The following SOX5 variants were observed in gnomAD, a reference collection of about 807,000 sequenced individuals.
SOX5 encodes transcription factor SOX-5.
Under a neutral mutation model 92.0 loss-of-function variants are expected in SOX5, and 9 were observed. That is an observed-to-expected ratio of 0.10 (90% CI 0.06 to 0.17). SOX5 has a LOEUF of 0.17. SOX5 is among the 10% of genes least tolerant of loss of function. The pLI, the probability that SOX5 is intolerant of heterozygous loss-of-function variation, is 1.00. For missense variants in SOX5, 642 were observed against 944.5 expected (o/e 0.68, Z 4.20); for synonymous variants, 344 against 336.3 (o/e 1.02, Z -0.25).
intron 4 of SOX5, among the ~76,000 whole-genome samples, chr12:24,037,820 T>A (rs1956188288): frequency 1.3e-5 from 2 of 152,170 alleles, no homozygotes; most frequent in South Asian, 4.1e-4. Context: ...GTCTAGCAAC[T>A]TACAACACCA....
At position 23,650,544 on chromosome 12, in the gene SOX5, ACTGCTTT is replaced by A. The variant is rs566583087; in HGVS notation, c.932-9654_932-9648del. ...ACTGTAGATGGAACTTTGGAAGAAA[ACTGCTTT>A]CTTTCATCTCATGTTGCTTTCTTTC... On this transcript the variant is annotated intron_variant, in intron 7 of 14. Coordinates refer to ENST00000451604, the MANE Select transcript of SOX5 (RefSeq NM_006940.6). 2.7e-3 allele frequency among the ~76,000 whole-genome samples: 415 copies of A among 152,228 alleles called. 2 individuals carry two copies. The highest frequency in any genetic ancestry group is 9.5e-3 in the African/African-American group (395 of 41,552).
intron 9 of SOX5, among the ~76,000 whole-genome samples, chr12:23,585,739 G>A (rs1348926942): frequency 6.6e-6 from 1 of 152,104 alleles, no homozygotes; most frequent in Non-Finnish European, 1.5e-5. Context: ...AAAGCACCCT[G>A]AGAAATCAAG....
intron 4 of SOX5, among the ~76,000 whole-genome samples, chr12:24,108,040 A>C (rs1230280742): frequency 2.6e-5 from 4 of 152,196 alleles, no homozygotes; most frequent in Non-Finnish European, 5.9e-5. Context: ...GAAATATTAA[A>C]GAGAACTTGC....
chr12:23,947,344 T>G (rs959576306), intron 1 of SOX5, among the ~76,000 whole-genome samples: 1 of 151,888 alleles, frequency 6.6e-6, no homozygotes, highest in South Asian at 2.1e-4. Context: ...TTGCAAATAG[T>G]TGAAAAGGCA....
chr12:24,545,562 C>CCCA (rs1373198133), intron 1 of SOX5, among the ~76,000 whole-genome samples: 10 of 151,878 alleles, frequency 6.6e-5, no homozygotes, highest in Non-Finnish European at 1.3e-4. Context: ...CATAAGTAAA[C>CCCA]CCAGGAAAAT....
In SOX5 at chr12:24,244,314, G is replaced by C. The variant is rs573602147; in HGVS notation, c.-76-30897C>G. On this transcript the variant is annotated intron_variant, in intron 3 of 4. Transcript: ENST00000446891. ...ACACATTTGGGAAGCAATGGGGTCT[G>C]GAGATGCATGTAATGCAAATGCAGG... 2.0e-5 allele frequency among the ~76,000 whole-genome samples: 3 copies of C among 152,310 alleles called. 1 individual carries two copies. Among genetic ancestry groups the C allele is most frequent in the Admixed American group, 2.0e-4 (3 of 15,304 alleles).
intron 1 of SOX5, among the ~76,000 whole-genome samples, chr12:23,918,427 T>C (rs1349169904): frequency 6.6e-6 from 1 of 152,204 alleles, no homozygotes; most frequent in East Asian, 1.9e-4. Flanking sequence ...TTAAAATACC[T>C]GAAGCTAGCA....
intron 2 of SOX5, among the ~76,000 whole-genome samples, chr12:24,327,978 C>A (rs1488608642): frequency 6.6e-6 from 1 of 152,088 alleles, no homozygotes; most frequent in African/African-American, 2.4e-5. Context: ...AGGCATGAAC[C>A]ACCGCACCCA....
Position 24,383,956 on chromosome 12 carries a change from T to A in SOX5, c.-250-15317A>T, listed in dbSNP as rs113688641. ...ATCAGAGGGGCAGTTATCTTCATGC[T>A]GCTCTCATGATAGTGAGTTCTCACA... On this transcript the variant is annotated intron_variant, in intron 1 of 4. Transcript: ENST00000446891. 1.8e-3 allele frequency among the ~76,000 whole-genome samples: 280 copies of A among 152,326 alleles called. 1 individual carries two copies. Among genetic ancestry groups the A allele is most frequent in the African/African-American group, 6.3e-3 (260 of 41,578 alleles).
intron 7 of SOX5, among the ~76,000 whole-genome samples, chr12:23,662,252 G>A (rs925592472): frequency 2.0e-5 from 3 of 151,912 alleles, no homozygotes; most frequent in African/African-American, 4.8e-5. Context: ...AGTATTTTTA[G>A]GATTTTAATA....
At chr12:23,545,322 T>C (rs1363135516) in intron 12 of SOX5, among the ~76,000 whole-genome samples, 1 of 152,200 alleles carries the variant, frequency 6.6e-6, no homozygotes, top group East Asian at 1.9e-4. Flanking sequence ...AAAGGAATGC[T>C]TAAAATGCAT....
At chr12:24,494,063 T>C (rs1201019164) in intron 1 of SOX5, among the ~76,000 whole-genome samples, 1 of 152,164 alleles carries the variant, frequency 6.6e-6, no homozygotes, top group African/African-American at 2.4e-5. Context: ...TCTATTGAGA[T>C]TCCCTGTCCA....
chr12:23,549,733 A>G (rs1405240971), intron 11 of SOX5, among the ~76,000 whole-genome samples: 2 of 151,944 alleles, frequency 1.3e-5, no homozygotes, highest in Admixed American at 1.3e-4. Flanking sequence ...GCAATGGGAT[A>G]ACAACTAGAT....
intron 3 of SOX5, among the ~76,000 whole-genome samples, chr12:23,785,227 T>C (rs901612193): frequency 2.6e-5 from 4 of 152,232 alleles, no homozygotes; most frequent in Non-Finnish European, 4.4e-5. Context: ...GAGGTGACTG[T>C]TCCCCAACCT....
chr12:24,282,675 C>A (rs192974786), intron 2 of SOX5, among the ~76,000 whole-genome samples: 34 of 152,168 alleles, frequency 2.2e-4, no homozygotes, highest in South Asian at 1.9e-3. Flanking sequence ...ACACTTAGAT[C>A]CATTACACTT....
intron 4 of SOX5, among the ~76,000 whole-genome samples, chr12:24,055,922 T>C (rs1014541111): frequency 1.3e-5 from 2 of 152,148 alleles, no homozygotes; most frequent in Non-Finnish European, 2.9e-5. Context: ...TACTTATCAA[T>C]TAACAAACAG....
Position 23,533,221 on chromosome 12 carries a change from T to G in SOX5, c.*998A>C, listed in dbSNP as rs967608453. On this transcript the variant is annotated 3_prime_UTR_variant, in exon 15 of 15. Transcript: ENST00000451604. ...TTAACTCACAATGGTCCAACGTTATTCCTATTATTAGTACCATAATCACAT... is the reference window on the plus strand; with the variant it reads ...TTAACTCACAATGGTCCAACGTTATGCCTATTATTAGTACCATAATCACAT... 5 of 455,990 alleles carry G rather than the reference T, an allele frequency of 1.1e-5. No homozygotes were observed. Among genetic ancestry groups the G allele is most frequent in the African/African-American group, 1.0e-4 (5 of 50,084 alleles). 28.2% of individuals were successfully genotyped at this position (455,990 alleles called of 1,614,324 possible).
intron 8 of SOX5, among the ~76,000 whole-genome samples, chr12:23,632,808 CATCT>C (rs1306405981): frequency 1.4e-4 from 22 of 152,110 alleles, no homozygotes; most frequent in African/African-American, 5.3e-4. Flanking sequence ...GATCACACAT[CATCT>C]ATCATTTTCT....
chr12:24,098,368 G>A (rs918622141), intron 4 of SOX5, among the ~76,000 whole-genome samples: 2 of 152,096 alleles, frequency 1.3e-5, no homozygotes, highest in African/African-American at 2.4e-5. Context: ...AGAGGCAATA[G>A]TGCTTTGGAA....
Sources: gnomAD v4.1 joint callset for allele counts (sites outside exome capture counted in the v4.1 genomes callset) on GRCh38, gnomAD v4.1.1 for gene constraint, MANE v1.5 for transcripts, NCBI Gene and HGNC (gene_info 2026-07-23, HGNC 2026-07-21) for gene names.